EML4: variants seen among roughly 807,000 people sequenced by gnomAD.
EML4 encodes the protein echinoderm microtubule-associated protein-like 4.
In EML4, 72 loss-of-function variants were observed where a neutral mutation model predicts 129.0. The observed-to-expected ratio is 0.56, with a 90% CI of 0.46 to 0.68. EML4 has a LOEUF of 0.68. Ranked by LOEUF, EML4 falls within the 30% of genes least tolerant of loss-of-function variation. The pLI, the probability that EML4 is intolerant of heterozygous loss-of-function variation, is 0.00. For missense variants in EML4, 1,363 were observed against 1,190.6 expected, an observed-to-expected ratio of 1.14 and a Z score of -2.13; for synonymous variants, 532 against 405.0, an observed-to-expected ratio of 1.31 and a Z score of -3.77.
At chr2:42,325,289 A>G (rs759540538) in intron 19 of EML4, 178 bp from the exon 20 acceptor site, 2 of 632,638 alleles carry the variant, frequency 3.2e-6, no homozygotes, top group Non-Finnish European at 6.1e-6. Flanking sequence ...AGTTTCTCCC[A>G]GGTTTCAAGT....
chr2:42,280,820 T>C (rs746070412), intron 6 of EML4, 30 bp from the exon 7 acceptor site: 3 of 1,571,382 alleles, frequency 1.9e-6, no homozygotes, highest in Admixed American at 1.9e-5. Flanking sequence ...AAAATACGTA[T>C]GACTTAACTT....
At chr2:42,191,928 T>A (rs1671607497) in intron 1 of EML4, among the ~76,000 whole-genome samples, 2 of 151,834 alleles carry the variant, frequency 1.3e-5, no homozygotes, top group South Asian at 2.1e-4. Flanking sequence ...TCATTTGAGG[T>A]CAGGAGTTTG....
At chr2:42,324,489 G>C (rs1250250063) in intron 19 of EML4, among the ~76,000 whole-genome samples, 1 of 152,082 alleles carries the variant, frequency 6.6e-6, no homozygotes, top group Non-Finnish European at 1.5e-5. Flanking sequence ...GATGGCATGT[G>C]CCTGTAGTCC....
intron 1 of EML4, among the ~76,000 whole-genome samples, chr2:42,179,989 C>T (rs1670837956): frequency 6.6e-6 from 1 of 152,088 alleles, no homozygotes; most frequent in African/African-American, 2.4e-5. Flanking sequence ...GTAAATAAAG[C>T]CAACGGGTAA....
chr2:42,294,512 A>T (rs1009677665), intron 11 of EML4, among the ~76,000 whole-genome samples: 6 of 152,214 alleles, frequency 3.9e-5, no homozygotes, highest in African/African-American at 1.4e-4. Flanking sequence ...CCTAGCCAAC[A>T]TGGTGAAACC....
intron 6 of EML4, among the ~76,000 whole-genome samples, chr2:42,280,302 C>A (rs1192529558): frequency 6.6e-6 from 1 of 152,120 alleles, no homozygotes; most frequent in South Asian, 2.1e-4. Flanking sequence ...AAAAATTATT[C>A]TCAGTTAAGG....
rs1387918989 is a variant in EML4 at position 42,332,415 on chromosome 2, A to G, written c.*2208A>G. The G allele has an allele frequency of 4.9e-6, 1 of 205,398 alleles. No homozygotes were observed. Among genetic ancestry groups the G allele is most frequent in the Non-Finnish European group, 1.0e-5 (1 of 100,160 alleles). 12.7% of individuals were successfully genotyped at this position (205,398 alleles called of 1,614,324 possible). A position where few individuals can be genotyped will look rare whatever the true frequency, so the allele number is the denominator to read the frequency against. On this transcript the variant is annotated 3_prime_UTR_variant, in exon 23 of 23. Transcript: ENST00000318522. ...TTATGAAATTGTAGATGTTTTTAGAAAAACTTGTGAATGAAAATGAATCCA... is the reference window on the plus strand; with the variant it reads ...TTATGAAATTGTAGATGTTTTTAGAGAAACTTGTGAATGAAAATGAATCCA...
At chr2:42,267,568 C>T (rs149961217) in intron 6 of EML4, among the ~76,000 whole-genome samples, 2 of 152,254 alleles carry the variant, frequency 1.3e-5, no homozygotes, top group East Asian at 3.9e-4. Flanking sequence ...AATACTTTAC[C>T]TGAAAGGCCT....
intron 17 of EML4, among the ~76,000 whole-genome samples, chr2:42,313,247 C>T (rs992465983): frequency 5.9e-5 from 9 of 152,112 alleles, no homozygotes; most frequent in South Asian, 2.1e-4. Context: ...TGAGCCACCG[C>T]GCCTGGCTAA....
chr2:42,288,218 T>G lies in EML4; in HGVS notation c.1123-9T>G, dbSNP rs1035480354. The stretch of plus-strand genomic sequence containing the variant: ...AATTTTAAAATGCCTCTGATTGACT[T>G]TTCTTTAGGATTCAGGTGTTCATTT... On this transcript the variant is annotated splice_polypyrimidine_tract_variant and intron_variant, in intron 10 of 22. Transcript: ENST00000318522. 7.9e-7 allele frequency: 1 copy of G among 1,262,906 alleles called. No individual in the cohort carries two copies. The highest frequency in any genetic ancestry group is 1.1e-6 in the Non-Finnish European group (1 of 893,190). The allele number at this position is 1,262,906 out of a possible 1,614,324, so 78.2% of individuals were successfully genotyped here. A position where few individuals can be genotyped will look rare whatever the true frequency, so the allele number is the denominator to read the frequency against.
chr2:42,219,720 C>T (rs1039731191), intron 1 of EML4, among the ~76,000 whole-genome samples: 6 of 151,942 alleles, frequency 3.9e-5, no homozygotes, highest in Non-Finnish European at 7.4e-5. Context: ...GACTTCAAGA[C>T]CAGCCTGGCC....
chr2:42,323,781 A>AC (rs1408140339), intron 19 of EML4, among the ~76,000 whole-genome samples: 16 of 150,608 alleles, frequency 1.1e-4, no homozygotes, highest in Admixed American at 2.0e-4. Flanking sequence ...CAAAAAAAAA[A>AC]AAACAAACAA....
At chr2:42,181,051 C>T (rs1183136027) in intron 1 of EML4, among the ~76,000 whole-genome samples, 1 of 152,210 alleles carries the variant, frequency 6.6e-6, no homozygotes, top group Non-Finnish European at 1.5e-5. Context: ...TATTAGGTGG[C>T]ACACAATTTT....
chr2:42,190,544 A>G (rs1671525327), intron 1 of EML4, among the ~76,000 whole-genome samples: 1 of 152,210 alleles, frequency 6.6e-6, no homozygotes, highest in Non-Finnish European at 1.5e-5. Context: ...GATGAGCTAT[A>G]CAGTGAATGA....
intron 2 of EML4, among the ~76,000 whole-genome samples, chr2:42,247,536 A>T (rs2104311926): frequency 6.6e-6 from 1 of 152,256 alleles, no homozygotes; most frequent in East Asian, 1.9e-4. Context: ...GAAAGGATTG[A>T]TCTTTTTCAT....
At chr2:42,230,409 A>C (rs571820106) in intron 1 of EML4, among the ~76,000 whole-genome samples, 1 of 152,056 alleles carries the variant, frequency 6.6e-6, no homozygotes, top group South Asian at 2.1e-4. Flanking sequence ...TTTTTATTTT[A>C]TTTATTTATT....
At chr2:42,211,478 G>A (rs1166320044) in intron 1 of EML4, among the ~76,000 whole-genome samples, 2 of 152,202 alleles carry the variant, frequency 1.3e-5, no homozygotes, top group African/African-American at 4.8e-5. Context: ...GTGGAATCTT[G>A]TGTTGCTATA....
intron 19 of EML4, chr2:42,319,665 C>CT (rs1669420439): frequency 6.6e-6 from 1 of 152,172 alleles, no homozygotes; most frequent in Non-Finnish European, 1.5e-5. Context: ...TAGTTTGTGA[C>CT]TTTAGGCAAG....
intron 19 of EML4, among the ~76,000 whole-genome samples, chr2:42,323,159 T>A (rs987457608): frequency 5.3e-5 from 8 of 152,196 alleles, no homozygotes; most frequent in African/African-American, 1.9e-4. Context: ...TAGGGTGAAA[T>A]TCTCAGAGGC....
Sources: allele counts gnomAD v4.1 joint callset (sites outside exome capture counted in the v4.1 genomes callset), GRCh38; gene constraint gnomAD v4.1.1; transcripts MANE v1.5; gene names NCBI Gene and HGNC (gene_info 2026-07-23, HGNC 2026-07-21).